The following PALM2AKAP2 variants were observed in gnomAD, a reference collection of about 807,000 sequenced individuals.
PALM2AKAP2 encodes PALM2-AKAP2 fusion protein.
A neutral mutation model predicts 71.5 loss-of-function variants in PALM2AKAP2; 37 were observed. The ratio of observed to expected loss-of-function variants is 0.52; its 90% CI spans 0.40 to 0.68. The LOEUF (loss-of-function observed/expected upper bound fraction) is 0.68. PALM2AKAP2 is among the 30% of genes least tolerant of loss of function. The pLI is 0.00. For missense variants in PALM2AKAP2, 1,224 were observed against 1,191.8 expected (o/e 1.03, Z -0.40); for synonymous variants, 468 against 478.8 (o/e 0.98, Z 0.29).
At chr9:109,880,517 T>C in intron 2 of PALM2AKAP2, 34 bp from the exon 3 acceptor site, 1 of 1,610,560 alleles carries the variant, frequency 6.2e-7, no homozygotes, top group Non-Finnish European at 8.5e-7. Flanking sequence ...CTGAAAAGTA[T>C]CATCTTGTCT....
At chr9:110,072,277 C>G (rs886825292) in intron 1 of PALM2AKAP2, among the ~76,000 whole-genome samples, 1 of 152,194 alleles carries the variant, frequency 6.6e-6, no homozygotes. Flanking sequence ...AACCCAAACT[C>G]AAGCTGCCCA....
intron 2 of PALM2AKAP2, among the ~76,000 whole-genome samples, chr9:110,144,116 T>C (rs1467269350): frequency 6.6e-6 from 1 of 152,236 alleles, no homozygotes; most frequent in Non-Finnish European, 1.5e-5. Context: ...GAGTGTGCCA[T>C]GCTAAATTAG....
Position 109,865,096 on chromosome 9 carries a change from C to CTTTTTTTTTTTTTT in PALM2AKAP2, c.46-2388_46-2375dup, listed in dbSNP as rs58922983. Reference sequence around the variant, plus strand: ...GTATCTACCTAAATCCTACTCATTCCTTTTTTTTTTTTTTTTTTTTGAGAC... The same window carrying CTTTTTTTTTTTTTT: ...GTATCTACCTAAATCCTACTCATTCCTTTTTTTTTTTTTTTTTTTTTTTTTTTTTTTTTTGAGAC... On this transcript the variant is annotated intron_variant, in intron 1 of 9. Coordinates refer to the PALM2AKAP2 transcript ENST00000302798. 2.4e-3 allele frequency among the ~76,000 whole-genome samples: 180 copies of CTTTTTTTTTTTTTT among 75,634 alleles called. 38 individuals are homozygous for CTTTTTTTTTTTTTT. The highest frequency in any genetic ancestry group is 7.3e-3 in the African/African-American group (134 of 18,340). The allele number at this position is 75,634 out of a possible 152,430, so 49.6% of individuals were successfully genotyped here.
At chr9:109,696,434 A>G (rs1314413990) in intron 1 of PALM2AKAP2, among the ~76,000 whole-genome samples, 1 of 152,258 alleles carries the variant, frequency 6.6e-6, no homozygotes, top group Non-Finnish European at 1.5e-5. Flanking sequence ...AGATTAAAAA[A>G]TTTAGTAGCA....
At chr9:109,839,869 A>G (rs1321295116) in intron 1 of PALM2AKAP2, among the ~76,000 whole-genome samples, 1 of 152,262 alleles carries the variant, frequency 6.6e-6, no homozygotes, top group African/African-American at 2.4e-5. Context: ...AGAAGAGGAC[A>G]CAAACAAATG....
chr9:109,980,999 C>T (rs1458555826), intron 6 of PALM2AKAP2, among the ~76,000 whole-genome samples: 1 of 152,188 alleles, frequency 6.6e-6, no homozygotes, highest in Non-Finnish European at 1.5e-5. Context: ...CATGGGAATG[C>T]GCTTTGCATC....
intron 1 of PALM2AKAP2, among the ~76,000 whole-genome samples, chr9:109,763,165 T>C (rs1829086415): frequency 6.6e-6 from 1 of 151,428 alleles, no homozygotes; most frequent in Admixed American, 6.6e-5. Flanking sequence ...ATCCCGGGGG[T>C]CACTGTGGCA....
chr9:109,695,828 T>C, intron 1 of PALM2AKAP2, among the ~76,000 whole-genome samples: 1 of 152,088 alleles, frequency 6.6e-6, no homozygotes, highest in East Asian at 1.9e-4. Flanking sequence ...AAACCGTAGA[T>C]CTCATGGAGG....
intron 1 of PALM2AKAP2, among the ~76,000 whole-genome samples, chr9:109,660,495 C>T (rs1181546847): frequency 6.6e-6 from 1 of 152,250 alleles, no homozygotes; most frequent in South Asian, 2.1e-4. Flanking sequence ...TGCTTTCCAG[C>T]TTCATCCATT....
At chr9:110,019,175 G>T (rs1833030926) in intron 7 of PALM2AKAP2, among the ~76,000 whole-genome samples, 1 of 144,818 alleles carries the variant, frequency 6.9e-6, no homozygotes, top group South Asian at 2.2e-4. Context: ...GGGAGGCAGA[G>T]ATTGCCGTGA....
rs571321089 is a variant in PALM2AKAP2 at position 110,007,269 on chromosome 9, A to G, written c.497-8685A>G. On this transcript the variant is annotated intron_variant, in intron 6 of 9. Coordinates refer to the PALM2AKAP2 transcript ENST00000302798. ...GCCATACTACCTTGGGACTTGTTAT[A>G]TGAGCCAATCAATCCTCTGTTGTTT... Among the ~76,000 whole-genome samples, 9 of 152,332 alleles carry G rather than the reference A, an allele frequency of 5.9e-5. No individual in the cohort carries two copies. In the South Asian group the frequency reaches 1.7e-3, roughly 28 times the overall value.
intron 2 of PALM2AKAP2, among the ~76,000 whole-genome samples, chr9:109,877,758 A>G (rs997150439): frequency 1.3e-5 from 2 of 152,170 alleles, no homozygotes; most frequent in Non-Finnish European, 2.9e-5. Context: ...GTCCAAGCTC[A>G]CTCAGCTGGT....
chr9:110,089,166 A>G (rs1023419215), intron 1 of PALM2AKAP2, among the ~76,000 whole-genome samples: 1 of 152,176 alleles, frequency 6.6e-6, no homozygotes, highest in African/African-American at 2.4e-5. Context: ...GGCACTGGGG[A>G]GGCGGATGGG....
chr9:109,875,077 C>T lies in PALM2AKAP2; in HGVS notation c.127-5474C>T, dbSNP rs552354998. ...GAATCCTACCTAATCTGGCCCCTGC[C>T]TTCTTCTCCATCTTCAGTTTGTTCT... On this transcript the variant is annotated intron_variant, in intron 2 of 9. Coordinates refer to the PALM2AKAP2 transcript ENST00000302798. 2.1e-3 allele frequency among the ~76,000 whole-genome samples: 327 copies of T among 152,336 alleles called. 2 individuals are homozygous for T. The highest frequency in any genetic ancestry group is 7.5e-3 in the African/African-American group (314 of 41,590).
Position 109,875,498 on chromosome 9 carries a change from T to C in PALM2AKAP2, c.127-5053T>C, listed in dbSNP as rs544440963. ...GGATAAGAGAGCCACTGCTCCTGAG[T>C]TGGGGACACAGAAGGAGAGGATGGG... On this transcript the variant is annotated intron_variant, in intron 2 of 9. Coordinates refer to the PALM2AKAP2 transcript ENST00000302798. 5.3e-5 allele frequency among the ~76,000 whole-genome samples: 8 copies of C among 152,242 alleles called. No homozygotes were observed. In the East Asian group the frequency reaches 5.8e-4, roughly 11 times the overall value.
At chr9:110,138,037 A>T in exon 2 of PALM2AKAP2, 1 of 1,613,712 alleles carries the variant, frequency 6.2e-7, no homozygotes, top group Non-Finnish European at 8.5e-7. Flanking sequence ...GAGCAGAGCA[A>T]CAGGGACCTG....
chr9:109,707,174 T>C (rs1324267143), intron 1 of PALM2AKAP2, among the ~76,000 whole-genome samples: 3 of 152,178 alleles, frequency 2.0e-5, no homozygotes, highest in Non-Finnish European at 4.4e-5. Flanking sequence ...CTCCTCTCTC[T>C]GCATGGCCTC....
chr9:109,764,964 T>C (rs1449782107), intron 1 of PALM2AKAP2, among the ~76,000 whole-genome samples: 1 of 152,228 alleles, frequency 6.6e-6, no homozygotes, highest in African/African-American at 2.4e-5. Context: ...TTCATATCTT[T>C]GTCATATAAA....
intron 3 of PALM2AKAP2, among the ~76,000 whole-genome samples, chr9:110,165,710 G>A (rs766705149): frequency 6.6e-6 from 1 of 152,150 alleles, no homozygotes; most frequent in Non-Finnish European, 1.5e-5. Context: ...CCATAATTAT[G>A]AGTATTATTT....
Sources: gnomAD v4.1 joint callset for allele counts (sites outside exome capture counted in the v4.1 genomes callset) on GRCh38, gnomAD v4.1.1 for gene constraint, MANE v1.5 for transcripts, NCBI Gene and HGNC (gene_info 2026-07-23, HGNC 2026-07-21) for gene names.